The following USH2A variants were observed in gnomAD, a reference collection of about 807,000 sequenced individuals.
The protein encoded by USH2A is usherin.
USH2A carries 443 observed loss-of-function variants against 538.9 expected under a neutral mutation model. The observed-to-expected ratio is 0.82, with a 90% CI of 0.76 to 0.89. USH2A has a LOEUF of 0.89. Among genes scored for constraint, USH2A ranks in the 40% least tolerant of loss-of-function variants. The pLI is 0.00. For synonymous variants in USH2A, 2,413 were observed against 2,273.5 expected (o/e 1.06, Z -1.75); for missense variants, 6,633 against 6,324.8 (o/e 1.05, Z -1.65).
chr1:215,732,329 C>T (rs1328885851), intron 60 of USH2A, among the ~76,000 whole-genome samples: 1 of 152,050 alleles, frequency 6.6e-6, no homozygotes, highest in East Asian at 1.9e-4. Context: ...AGAGATTTAC[C>T]ATGTAAAATG....
intron 60 of USH2A, among the ~76,000 whole-genome samples, chr1:215,733,783 A>T (rs749246522): frequency 5.9e-5 from 9 of 152,146 alleles, no homozygotes; most frequent in Non-Finnish European, 1.3e-4. Context: ...TCCATGTCCC[A>T]CTCCAGGGCA....
chr1:216,317,186 C>T (rs1020575963), intron 9 of USH2A, among the ~76,000 whole-genome samples: 2 of 152,062 alleles, frequency 1.3e-5, no homozygotes, highest in Admixed American at 6.5e-5. Flanking sequence ...GGCAGAAATA[C>T]CATTTGACCC....
intron 32 of USH2A, among the ~76,000 whole-genome samples, chr1:216,045,529 G>A (rs932047747): frequency 1.4e-4 from 21 of 152,128 alleles, no homozygotes; most frequent in Admixed American, 1.3e-4. Context: ...TGGTACAGAA[G>A]TAATTACTGT....
At chr1:215,640,510 G>C in intron 68 of USH2A, 48 bp downstream of exon 68, 1 of 1,610,474 alleles carries the variant, frequency 6.2e-7, no homozygotes, top group Non-Finnish European at 8.5e-7. Context: ...CCGTAAAGCT[G>C]GGGAACAGAG....
intron 61 of USH2A, among the ~76,000 whole-genome samples, chr1:215,707,452 T>G (rs1189265122): frequency 6.6e-6 from 1 of 152,160 alleles, no homozygotes; most frequent in Non-Finnish European, 1.5e-5. Context: ...TTGTGACAAT[T>G]AAAACAGATG....
chr1:215,788,678 A>T (rs1363093790), intron 51 of USH2A, among the ~76,000 whole-genome samples: 1 of 152,196 alleles, frequency 6.6e-6, no homozygotes, highest in South Asian at 2.1e-4. Flanking sequence ...GAAAAGAAAC[A>T]TGGTTACCAA....
At chr1:215,627,392 C>G (rs1346523102) in intron 71 of USH2A, among the ~76,000 whole-genome samples, 1 of 32,478 alleles carries the variant, frequency 3.1e-5, no homozygotes, top group Non-Finnish European at 6.7e-5. Flanking sequence ...TTCTTTCCTT[C>G]CTTCCTTCCT....
At position 215,936,159 on chromosome 1, in the gene USH2A, T is replaced by TA. The variant is rs574565612; in HGVS notation, c.7121-1365dup. ...ATTCTGCAGATATAGACAAATGAAT[T>TA]AAAAAACACATGATATTGAGCTTCA... On this transcript the variant is annotated intron_variant, in intron 37 of 71. Coordinates refer to ENST00000307340, the MANE Select transcript of USH2A (RefSeq NM_206933.4). Among the ~76,000 whole-genome samples the TA allele has an allele frequency of 1.1e-4, 16 of 152,028 alleles. No homozygotes were observed. The South Asian group carries it at 3.3e-3, about 32-fold the overall frequency.
chr1:216,232,799 A>C (rs1277328695), intron 13 of USH2A, among the ~76,000 whole-genome samples: 1 of 152,130 alleles, frequency 6.6e-6, no homozygotes, highest in African/African-American at 2.4e-5. Context: ...CTAATACTTC[A>C]AACTAGATGC....
intron 56 of USH2A, among the ~76,000 whole-genome samples, chr1:215,762,579 C>T (rs551081347): frequency 7.6e-4 from 115 of 152,244 alleles, no homozygotes; most frequent in African/African-American, 2.7e-3. Flanking sequence ...GAAAGTGCTG[C>T]ATTTTTACTT....
At chr1:216,344,261 CAGAA>C (rs2038131757) in intron 4 of USH2A, among the ~76,000 whole-genome samples, 2 of 152,150 alleles carry the variant, frequency 1.3e-5, no homozygotes, top group Admixed American at 1.3e-4. Context: ...GATTTAGTAA[CAGAA>C]AGAGTCTCCA....
chr1:215,980,391 C>T (rs548235898), intron 35 of USH2A, among the ~76,000 whole-genome samples: 4 of 152,246 alleles, frequency 2.6e-5, no homozygotes, highest in East Asian at 3.9e-4. Flanking sequence ...TACAACTTTA[C>T]GGCTTCCATA....
In USH2A at chr1:215,759,954, A is replaced by C. The variant is rs1004034903; in HGVS notation, c.11048-111T>G. On this transcript the variant is annotated intron_variant, in intron 56 of 71. Transcript: ENST00000307340. ...GATATTTTTTCTGTTGATTTTAAAAAATATCTAACTGTATGGAACAAAAAT... is the reference window on the plus strand; with the variant it reads ...GATATTTTTTCTGTTGATTTTAAAACATATCTAACTGTATGGAACAAAAAT... 6 of 1,258,222 alleles carry C rather than the reference A, an allele frequency of 4.8e-6. No individual in the cohort carries two copies. In the African/African-American group the frequency reaches 9.0e-5, roughly 19 times the overall value. The allele number at this position is 1,258,222 out of a possible 1,614,324, so 77.9% of individuals were successfully genotyped here.
chr1:216,145,143 CTCTG>C (rs1222164827), intron 21 of USH2A, among the ~76,000 whole-genome samples: 6 of 152,310 alleles, frequency 3.9e-5, no homozygotes, highest in African/African-American at 1.4e-4. Context: ...ATACACCTCT[CTCTG>C]TCTCTCATTT....
intron 14 of USH2A, among the ~76,000 whole-genome samples, chr1:216,226,631 T>C (rs183159465): frequency 6.6e-6 from 1 of 152,336 alleles, no homozygotes; most frequent in East Asian, 1.9e-4. Flanking sequence ...TTCTCACCAT[T>C]AGGTATCTCT....
chr1:215,733,542 G>A (rs1660067939), intron 60 of USH2A, among the ~76,000 whole-genome samples: 1 of 152,174 alleles, frequency 6.6e-6, no homozygotes, highest in African/African-American at 2.4e-5. Flanking sequence ...CAAGTCTCAA[G>A]TACCAAGTCT....
chr1:215,903,932 G>GA (rs1371672352), intron 38 of USH2A, among the ~76,000 whole-genome samples: 1 of 151,898 alleles, frequency 6.6e-6, no homozygotes, highest in Non-Finnish European at 1.5e-5. Flanking sequence ...ATTGCTAAAG[G>GA]CTTTTTAATT....
chr1:215,993,304 T>C, intron 34 of USH2A, 137 bp from the exon 35 acceptor site: 1 of 1,333,472 alleles, frequency 7.5e-7, no homozygotes, highest in South Asian at 1.2e-5. Context: ...ATAAATTCAT[T>C]TCAGTGTTAA....
At position 216,199,934 on chromosome 1, in the gene USH2A, G is replaced by C; in HGVS notation, c.3504C>G (p.Thr1168=). Residue 1168 remains threonine (T), a synonymous_variant, in exon 17 of 72, where the codon ACC becomes ACG. Transcript: ENST00000307340. ...CAGATTGATTTGAGAGTGTTGTCCA[G>C]GTAAGTGTCACAGAGTCTGAGCCAA... ...IPIGSDSVTL[T]WTTLSNQSGP... The C allele has an allele frequency of 6.2e-7, 1 of 1,614,102 alleles. No individual in the cohort carries two copies. Among genetic ancestry groups the C allele is most frequent in the Non-Finnish European group, 8.5e-7 (1 of 1,180,006 alleles).
Sources: gnomAD v4.1 joint callset for allele counts (sites outside exome capture counted in the v4.1 genomes callset) on GRCh38, gnomAD v4.1.1 for gene constraint, MANE v1.5 for transcripts, NCBI Gene and HGNC (gene_info 2026-07-23, HGNC 2026-07-21) for gene names.